CCDC74A: variants seen among roughly 807,000 people sequenced by gnomAD.
The protein encoded by CCDC74A is coiled-coil domain-containing protein 74A.
CCDC74A carries 38 observed loss-of-function variants against 37.6 expected under a neutral mutation model. That is an observed-to-expected ratio of 1.01 (90% confidence interval 0.78 to 1.33). The LOEUF (loss-of-function observed/expected upper bound fraction) is 1.33, where lower values mean the gene tolerates loss of function less well. CCDC74A is among the 40% of genes most tolerant of loss of function. CCDC74A has a pLI of 0.00. For missense variants in CCDC74A, 340 were observed against 403.4 expected (o/e 0.84, Z 1.35); for synonymous variants, 134 against 165.2 (o/e 0.81, Z 1.45).
rs1354748233 is a variant in CCDC74A at position 131,528,202 on chromosome 2, C to G, written c.232C>G (p.Leu78Val). The change falls in exon 1 of 8, where the codon CTG (leucine) becomes GTG (valine). Residue 78 changes from leucine (L) to valine (V), a missense_variant. Transcript: ENST00000409856. ...LAKLHEEIEH[L>V]KRENKDLHYK... is the part of the protein sequence containing the mutation. Reference sequence around the variant, plus strand: ...CAAGCTCCATGAGGAGATCGAGCATCTGAAGCGGGAAAACAAGGGTGAGCC... The same window carrying G: ...CAAGCTCCATGAGGAGATCGAGCATGTGAAGCGGGAAAACAAGGGTGAGCC... The G allele has an allele frequency of 2.5e-6, 4 of 1,612,936 alleles. No individual in the cohort carries two copies. Among genetic ancestry groups the G allele is most frequent in the Non-Finnish European group, 3.4e-6 (4 of 1,179,624 alleles).
At chr2:131,527,317 G>A (rs923590378), upstream of CCDC74A, among the ~76,000 whole-genome samples, 1 of 151,800 alleles carries the variant, frequency 6.6e-6, no homozygotes, top group Non-Finnish European at 1.5e-5. Flanking sequence ...TTAGGCTGGA[G>A]TTCAGTGGTG....
chr2:131,522,633 CT>C, the CCDC74A span, among the ~76,000 whole-genome samples: 1 of 152,170 alleles, frequency 6.6e-6, no homozygotes, highest in Non-Finnish European at 1.5e-5. Context: ...ACCCCTGCCC[CT>C]TGCACCTCCG....
chr2:131,523,969 C>A (rs1559390283), upstream of CCDC74A, among the ~76,000 whole-genome samples: 1 of 152,068 alleles, frequency 6.6e-6, no homozygotes, highest in African/African-American at 2.4e-5. Flanking sequence ...AGGTTAAACA[C>A]CACACTTGAC....
intron 4 of CCDC74A, among the ~76,000 whole-genome samples, chr2:131,532,125 G>A (rs79940632): frequency 0.15 from 22,172 of 144,196 alleles, 507 homozygotes; most frequent in African/African-American, 0.35. Flanking sequence ...GAGAAGGCTT[G>A]CTGCCCCTGG....
At chr2:131,525,990 A>G (rs1680297718), upstream of CCDC74A, among the ~76,000 whole-genome samples, 1 of 151,246 alleles carries the variant, frequency 6.6e-6, no homozygotes, top group Admixed American at 6.6e-5. Flanking sequence ...TAATTTTTGT[A>G]TTTTTAGTAG....
chr2:131,528,785 T>A (rs1680665636), intron 1 of CCDC74A, among the ~76,000 whole-genome samples: 1 of 152,182 alleles, frequency 6.6e-6, no homozygotes, highest in South Asian at 2.1e-4. Flanking sequence ...CACTCCAGCC[T>A]CGGTGACAGA....
At chr2:131,524,360 T>C (rs3106070), upstream of CCDC74A, among the ~76,000 whole-genome samples, 83 of 152,324 alleles carry the variant, frequency 5.4e-4, no homozygotes, top group Admixed American at 1.4e-3. Flanking sequence ...TCTGGGCCAC[T>C]GGATGCACTC....
Position 131,529,630 on chromosome 2 carries a change from C to T in CCDC74A, c.251-17C>T, listed in dbSNP as rs1313376394. The T allele has an allele frequency of 3.1e-6, 5 of 1,613,842 alleles. No individual in the cohort carries two copies. Among genetic ancestry groups the T allele is most frequent in the African/African-American group, 2.7e-5 (2 of 74,930 alleles). On this transcript the variant is annotated splice_polypyrimidine_tract_variant and intron_variant, in intron 1 of 7. Transcript: ENST00000409856. ...GTGGTTTCACAAGTGCTGAGGAGAG[C>T]GTGTGCTTGCTTTCAGATCTCCATT...
intron 7 of CCDC74A, 57 bp from the exon 8 acceptor site, chr2:131,533,212 C>A: frequency 6.2e-7 from 1 of 1,609,960 alleles, no homozygotes; most frequent in Non-Finnish European, 8.5e-7. Context: ...AGGCCGCACT[C>A]CCCACACACT....
chr2:131,529,902 C>A, intron 2 of CCDC74A: 1 of 1,497,000 alleles, frequency 6.7e-7, no homozygotes, highest in Admixed American at 2.2e-5. Context: ...TCGGGAAGCC[C>A]AGGGCCTGAG....
chr2:131,527,409 G>A (rs1680385474), upstream of CCDC74A, among the ~76,000 whole-genome samples: 1 of 152,178 alleles, frequency 6.6e-6, no homozygotes, highest in Non-Finnish European at 1.5e-5. Context: ...GGGACTACAG[G>A]CGCAAGACAC....
chr2:131,531,284 AT>A (rs1681249389), intron 3 of CCDC74A, among the ~76,000 whole-genome samples: 1 of 152,008 alleles, frequency 6.6e-6, no homozygotes, highest in African/African-American at 2.4e-5. Context: ...GAGGCCGGGC[AT>A]TTTCCTCAGC....
At chr2:131,529,819 G>C (rs1238249379) in intron 2 of CCDC74A, 128 bp downstream of exon 2, 1 of 1,536,428 alleles carries the variant, frequency 6.5e-7, no homozygotes, top group African/African-American at 1.4e-5. Flanking sequence ...GGTTCTGGGG[G>C]ACCTGGACAG....
At chr2:131,529,847 C>A in intron 2 of CCDC74A, 156 bp downstream of exon 2, 4 of 1,503,478 alleles carry the variant, frequency 2.7e-6, no homozygotes, top group Admixed American at 2.3e-5. Flanking sequence ...TACCTCTAGC[C>A]GTGGCTGGAC....
chr2:131,528,033 G>A lies in CCDC74A; in HGVS notation c.63G>A (p.Arg21=). 1 of 1,503,736 alleles carries A rather than the reference G, an allele frequency of 6.7e-7. No individual in the cohort carries two copies. The highest frequency in any genetic ancestry group is 8.8e-7 in the Non-Finnish European group (1 of 1,130,518). The allele number at this position is 1,503,736 out of a possible 1,614,324, so 93.1% of individuals were successfully genotyped here. Residue 21 remains arginine, a synonymous_variant, in exon 1 of 8, where the codon CGG becomes CGA. Transcript: ENST00000409856. The part of the protein sequence containing the change: ...RPPSSPTPGS[R]RRRQRPSVGV... ...CCAGCTCGCCGACCCCGGGCTCTCG[G>A]CGCCGGCGCCAGCGCCCCTCTGTGG...
upstream of CCDC74A, among the ~76,000 whole-genome samples, chr2:131,524,270 A>C (rs549037042): frequency 1.3e-4 from 20 of 152,246 alleles, no homozygotes; most frequent in East Asian, 1.9e-4. Flanking sequence ...TTGGAGAGTA[A>C]GTATGGTTTA....
At position 131,528,192 on chromosome 2, in the gene CCDC74A, G is replaced by T; in HGVS notation, c.222G>T (p.Glu74Asp). The stretch of plus-strand genomic sequence containing the variant: ...AGATGCTGGCCAAGCTCCATGAGGA[G>T]ATCGAGCATCTGAAGCGGGAAAACA... ...HSEMLAKLHE[E>D]IEHLKRENKD... The change falls in exon 1 of 8, where the codon GAG (glutamate) becomes GAT (aspartate). Residue 74 changes from glutamate to aspartate, a missense_variant. Physicochemically the swap from Glu to Asp is conservative, Grantham distance 45. Around this residue, in one of 3 missense-constraint regions of CCDC74A, gnomAD observed 154 missense variants for 153.9 expected, o/e 1.00. Coordinates refer to ENST00000409856, the MANE Select transcript of CCDC74A (RefSeq NM_001258306.3). 6.2e-7 allele frequency: 1 copy of T among 1,613,620 alleles called. No individual in the cohort carries two copies. Among genetic ancestry groups the T allele is most frequent in the Non-Finnish European group, 8.5e-7 (1 of 1,179,770 alleles).
upstream of CCDC74A, chr2:131,527,635 C>A (rs1043223393): frequency 2.7e-5 from 8 of 296,258 alleles, no homozygotes; most frequent in African/African-American, 1.8e-4. Flanking sequence ...GCTGGGATTA[C>A]TGGCTCCCGC....
chr2:131,523,206 A>C (rs527721254), upstream of CCDC74A, among the ~76,000 whole-genome samples: 4 of 152,192 alleles, frequency 2.6e-5, no homozygotes, highest in African/African-American at 9.6e-5. Context: ...CGCTGGAGAG[A>C]GGCCTCTTAT....
Sources: allele counts gnomAD v4.1 joint callset (sites outside exome capture counted in the v4.1 genomes callset), GRCh38; gene constraint gnomAD v4.1.1; regional missense constraint gnomAD v4.1.1; transcripts MANE v1.5; gene names NCBI Gene and HGNC (gene_info 2026-07-23, HGNC 2026-07-21).